Variants in ADGRF5 observed in about 807,000 individuals in gnomAD.
ADGRF5 encodes the protein adhesion G protein-coupled receptor F5.
In ADGRF5, 75 loss-of-function variants were observed where a neutral mutation model predicts 132.3. That is an observed-to-expected ratio of 0.57 (90% CI 0.47 to 0.69). The LOEUF is 0.69. Among genes scored for constraint, ADGRF5 ranks in the 30% least tolerant of loss-of-function variants. The probability of loss-of-function intolerance (pLI) is 0.00; values close to 1 mark genes in which losing one functional copy is unlikely to be tolerated. For missense variants in ADGRF5, 1,516 were observed against 1,630.6 expected, an observed-to-expected ratio of 0.93 and a Z score of 1.21; for synonymous variants, 629 against 597.6, an observed-to-expected ratio of 1.05 and a Z score of -0.77.
intron 15 of ADGRF5, 57 bp downstream of exon 15, chr6:46,862,831 T>C (rs1250186888): frequency 5.3e-6 from 6 of 1,130,006 alleles, no homozygotes; most frequent in Non-Finnish European, 7.9e-6. Flanking sequence ...CTGAGAAATA[T>C]GATCAGCCAG....
chr6:46,941,806 C>T lies in ADGRF5; in HGVS notation c.-25+12928G>A, dbSNP rs367650060. Among the ~76,000 whole-genome samples, 57 of 152,296 alleles carry T rather than the reference C, an allele frequency of 3.7e-4. No homozygotes were observed. The Middle Eastern group carries it at 0.01, about 27-fold the overall frequency. Reference sequence around the variant, plus strand: ...CTGTGGGCCATCTCTTCTCTCCCCACACATAATTATCTTCAGCCGAGATGC... The same window carrying T: ...CTGTGGGCCATCTCTTCTCTCCCCATACATAATTATCTTCAGCCGAGATGC... On this transcript the variant is annotated intron_variant, in intron 1 of 20. Coordinates refer to the ADGRF5 transcript ENST00000265417.
Position 46,947,403 on chromosome 6 carries a change from C to T in ADGRF5, c.-25+7331G>A, listed in dbSNP as rs145749901. ...AAATGCAATACGTTTTGTGCTTTAC[C>T]TATTTCCTCTCCATTAACACACAAA... On this transcript the variant is annotated intron_variant, in intron 1 of 20. Transcript: ENST00000265417. Among the ~76,000 whole-genome samples the T allele has an allele frequency of 3.0e-3, 455 of 152,300 alleles. 4 individuals are homozygous for T. Among genetic ancestry groups the T allele is most frequent in the African/African-American group, 0.011 (446 of 41,568 alleles).
chr6:46,877,303 C>CCTTCCTTCCTTCCTTCCTTCCT (rs1388865911), intron 10 of ADGRF5, among the ~76,000 whole-genome samples: 33 of 70,234 alleles, frequency 4.7e-4, no homozygotes, highest in African/African-American at 1.8e-3. Flanking sequence ...CTCTCTCTCT[C>CCTTCCTTCCTTCCTTCCTTCCT]TCTTTCCTTC....
At chr6:46,857,165 A>G (rs1231212428) in intron 17 of ADGRF5, among the ~76,000 whole-genome samples, 1 of 152,208 alleles carries the variant, frequency 6.6e-6, no homozygotes, top group African/African-American at 2.4e-5. Context: ...CCTGTTGGTT[A>G]TGCTATTAAT....
At chr6:46,948,047 C>A (rs1340933403) in intron 1 of ADGRF5, among the ~76,000 whole-genome samples, 1 of 152,082 alleles carries the variant, frequency 6.6e-6, no homozygotes, top group Non-Finnish European at 1.5e-5. Context: ...TTCACGGAGA[C>A]CCCCAGACAT....
At chr6:46,941,107 G>A (rs1243753351) in intron 1 of ADGRF5, among the ~76,000 whole-genome samples, 2 of 152,024 alleles carry the variant, frequency 1.3e-5, no homozygotes, top group Non-Finnish European at 2.9e-5. Flanking sequence ...GATCAAGGTG[G>A]GAGGAGCCCT....
chr6:46,885,142 TGA>T (rs1772922864), intron 4 of ADGRF5, among the ~76,000 whole-genome samples: 2 of 146,536 alleles, frequency 1.4e-5, no homozygotes, highest in South Asian at 4.3e-4. Flanking sequence ...TGCAGTGAGT[TGA>T]GATTGCAACC....
chr6:46,865,884 A>G (rs1770354190), intron 13 of ADGRF5, among the ~76,000 whole-genome samples: 1 of 152,146 alleles, frequency 6.6e-6, no homozygotes. Context: ...TATGTGCCCC[A>G]CTTCTTTTTT....
In ADGRF5 at chr6:46,881,338, C is replaced by A. The variant is rs113201336; in HGVS notation, c.814+117G>T. ...ATAAGAGGAGGAGGTGGTACAGAAC[C>A]CCCTGTGCCAGGAACTGGAGTGTCT... is the stretch of plus-strand genomic sequence containing the variant. On this transcript the variant is annotated intron_variant, in intron 8 of 20. Coordinates refer to ENST00000283296, the MANE Select transcript of ADGRF5 (RefSeq NM_001098518.2). 6,070 of 816,272 alleles carry A rather than the reference C, an allele frequency of 7.4e-3. 84 individuals are homozygous for A. Among genetic ancestry groups the A allele is most frequent in the South Asian group, 0.034 (2,100 of 62,168 alleles). 50.6% of individuals were successfully genotyped at this position (816,272 alleles called of 1,614,324 possible).
At chr6:46,860,642 C>T (rs188858335) in intron 16 of ADGRF5, 73 bp downstream of exon 16, 51 of 1,089,822 alleles carry the variant, frequency 4.7e-5, no homozygotes, top group Non-Finnish European at 6.2e-5. Context: ...GGAGGAATTA[C>T]GTTTCTTGAA....
chr6:46,939,436 TAAAC>T lies in ADGRF5; in HGVS notation c.-25+15294_-25+15297del, dbSNP rs577656457. Among the ~76,000 whole-genome samples the T allele has an allele frequency of 1.1e-4, 16 of 152,248 alleles. No individual in the cohort carries two copies. The East Asian group carries it at 2.9e-3, about 28-fold the overall frequency. On this transcript the variant is annotated intron_variant, in intron 1 of 20. Coordinates refer to the ADGRF5 transcript ENST00000265417. ...TGAAGACACACAGTAAATAAGTAGG[TAAAC>T]AAATTAGTATATGTGACTTCAACTA... is the stretch of plus-strand genomic sequence containing the variant.
chr6:46,931,570 T>C (rs1458000207), intron 1 of ADGRF5, among the ~76,000 whole-genome samples: 1 of 152,208 alleles, frequency 6.6e-6, no homozygotes, highest in African/African-American at 2.4e-5. Flanking sequence ...GACACTCTCC[T>C]CCTGCCCTGG....
At chr6:46,861,083 T>C (rs139329035) in intron 15 of ADGRF5, among the ~76,000 whole-genome samples, 189 bp from the exon 16 acceptor site, 2 of 152,280 alleles carry the variant, frequency 1.3e-5, no homozygotes, top group Non-Finnish European at 2.9e-5. Flanking sequence ...GAACAGAATA[T>C]GACATAAGGC....
Position 46,852,912 on chromosome 6 carries a change from C to T in ADGRF5, c.*1080G>A, listed in dbSNP as rs1338411014. On this transcript the variant is annotated 3_prime_UTR_variant, in exon 21 of 21. Transcript: ENST00000283296. ...GTATCCACAATAATAATAACAGTGA[C>T]AACAGCAATAATAATATACAATGCT... 3 of 152,544 alleles carry T rather than the reference C, an allele frequency of 2.0e-5. No homozygotes were observed. Among genetic ancestry groups the T allele is most frequent in the Non-Finnish European group, 1.5e-5 (1 of 68,036 alleles). The allele number at this position is 152,544 out of a possible 1,614,324, so 9.4% of individuals were successfully genotyped here.
chr6:46,877,753 T>C (rs1307936436), intron 10 of ADGRF5, among the ~76,000 whole-genome samples: 2 of 152,126 alleles, frequency 1.3e-5, no homozygotes, highest in East Asian at 3.9e-4. Flanking sequence ...TATTGAGGTA[T>C]GCATAGATAC....
At chr6:46,938,316 G>A (rs1427663424) in intron 1 of ADGRF5, among the ~76,000 whole-genome samples, 2 of 152,116 alleles carry the variant, frequency 1.3e-5, no homozygotes, top group Non-Finnish European at 2.9e-5. Flanking sequence ...AGAGCTGAGT[G>A]TGGTATCTTC....
intron 1 of ADGRF5, among the ~76,000 whole-genome samples, chr6:46,953,703 G>T (rs1165869615): frequency 7.9e-6 from 1 of 126,146 alleles, no homozygotes; most frequent in East Asian, 2.1e-4. Context: ...CACTGACAGT[G>T]GCATTATTAG....
chr6:46,940,523 G>T (rs990576705), intron 1 of ADGRF5, among the ~76,000 whole-genome samples: 4 of 152,068 alleles, frequency 2.6e-5, no homozygotes, highest in African/African-American at 9.7e-5. Flanking sequence ...TAGCCAGTTG[G>T]CCACACTCAA....
Position 46,878,262 on chromosome 6 carries a change from G to A in ADGRF5, c.1180C>T (p.Gln394Ter). ...ACTTTGCTCCAATTAACATTACCCTGACTGCAGCAGTTCAAAGATACAGGA... is the reference window on the plus strand; with the variant it reads ...ACTTTGCTCCAATTAACATTACCCTAACTGCAGCAGTTCAAAGATACAGGA... The part of the protein sequence containing the change: ...NNPVSLNCCS[Q>*]GNVNWSKVEW... Residue 394 changes from glutamine (Q) to a stop codon, truncating the protein, a stop_gained, in exon 10 of 21, where the codon CAG becomes TAG. Coordinates refer to ENST00000283296, the MANE Select transcript of ADGRF5 (RefSeq NM_001098518.2). LOFTEE classifies it high-confidence loss of function. The A allele has an allele frequency of 1.2e-6, 2 of 1,613,642 alleles. No homozygotes were observed. The highest frequency in any genetic ancestry group is 8.5e-7 in the Non-Finnish European group (1 of 1,179,704).
Sources: allele counts gnomAD v4.1 joint callset (sites outside exome capture counted in the v4.1 genomes callset), GRCh38; gene constraint gnomAD v4.1.1; transcripts MANE v1.5; gene names NCBI Gene and HGNC (gene_info 2026-07-23, HGNC 2026-07-21).